The following FBN2 variants were observed in gnomAD, a reference collection of about 807,000 sequenced individuals.
FBN2 encodes the protein fibrillin-2.
A neutral mutation model predicts 355.6 loss-of-function variants in FBN2; 105 were observed. The ratio of observed to expected loss-of-function variants is 0.30; its 90% CI spans 0.25 to 0.35. The LOEUF is 0.35. Among genes scored for constraint, FBN2 ranks in the 10% least tolerant of loss-of-function variants. FBN2 has a pLI of 1.00. For missense variants in FBN2, 3,280 were observed against 3,758.7 expected (o/e 0.87, Z 3.33); for synonymous variants, 1,350 against 1,301.2 (o/e 1.04, Z -0.81).
chr5:128,270,542 AT>A (rs1453087825), intron 62 of FBN2, among the ~76,000 whole-genome samples: 1 of 152,172 alleles, frequency 6.6e-6, no homozygotes, highest in Non-Finnish European at 1.5e-5. Context: ...AAAATAAAAA[AT>A]CCCTGAAGAA....
chr5:128,396,237 G>A (rs548120085), intron 8 of FBN2, among the ~76,000 whole-genome samples: 3 of 152,252 alleles, frequency 2.0e-5, no homozygotes, highest in Non-Finnish European at 4.4e-5. Flanking sequence ...GGGAAGAAAC[G>A]GGATTAGAGA....
At position 128,387,342 on chromosome 5, in the gene FBN2, G is replaced by A. The variant is rs540029176; in HGVS notation, c.1603+4676C>T. 3.3e-5 allele frequency among the ~76,000 whole-genome samples: 5 copies of A among 151,890 alleles called. No individual in the cohort carries two copies. The East Asian group carries it at 9.6e-4, about 29-fold the overall frequency. On this transcript the variant is annotated intron_variant, in intron 11 of 64. Transcript: ENST00000262464. ...ATCATTTCAGTTTGTGTTTATTTCC[G>A]TCTTCTCTCTTTTATTCTTTATTAG...
intron 6 of FBN2, among the ~76,000 whole-genome samples, chr5:128,459,436 T>C (rs1195390386): frequency 3.3e-5 from 5 of 152,112 alleles, no homozygotes; most frequent in Admixed American, 2.0e-4. Context: ...AAGGGACTCC[T>C]CCCTAACTCA....
At chr5:128,338,776 C>T (rs897816002) in intron 26 of FBN2, among the ~76,000 whole-genome samples, 157 bp downstream of exon 26, 1 of 152,134 alleles carries the variant, frequency 6.6e-6, no homozygotes, top group African/African-American at 2.4e-5. Flanking sequence ...TATCCAGGAG[C>T]GCATTTCCTG....
At chr5:128,513,901 G>C (rs1163365706) in intron 5 of FBN2, among the ~76,000 whole-genome samples, 1 of 151,830 alleles carries the variant, frequency 6.6e-6, no homozygotes, top group African/African-American at 2.4e-5. Context: ...AACTGAGCTA[G>C]TGCCAAAAAG....
chr5:128,310,729 A>C (rs1750031124), intron 39 of FBN2, among the ~76,000 whole-genome samples: 3 of 152,144 alleles, frequency 2.0e-5, no homozygotes, highest in African/African-American at 7.2e-5. Flanking sequence ...TTCACAATTA[A>C]AATATTGAGA....
At position 128,530,627 on chromosome 5, in the gene FBN2, C is replaced by T. The variant is rs778566871; in HGVS notation, c.404G>A (p.Gly135Glu). The change falls in exon 3 of 65, where the codon GGG (glycine) becomes GAG (glutamate). Residue 135 changes from glycine (G) to glutamate (E), a missense_variant. Gly to Glu is a moderately conservative substitution (Grantham distance 98). Around this residue, in one of 6 missense-constraint regions of FBN2, gnomAD observed 130 missense variants for 189.9 expected, o/e 0.68. Transcript: ENST00000262464. ...TGATCCACAGGTTGATGATATTTGC[C>T]CACTGGAACAAGTACACATGTTAGG... ...SRPNMCTCSS[G>E]QISSTCGSKS... The T allele has an allele frequency of 2.4e-5, 39 of 1,612,784 alleles. No homozygotes were observed. Among genetic ancestry groups the T allele is most frequent in the Non-Finnish European group, 3.3e-5 (39 of 1,179,102 alleles).
chr5:128,488,996 A>C (rs1455737505), intron 5 of FBN2, among the ~76,000 whole-genome samples: 1 of 152,186 alleles, frequency 6.6e-6, no homozygotes, highest in Middle Eastern at 3.2e-3. Flanking sequence ...CATGATTTAT[A>C]GTCCTTTGGG....
intron 4 of FBN2, among the ~76,000 whole-genome samples, chr5:128,521,452 C>G (rs1182149625): frequency 1.3e-5 from 2 of 152,064 alleles, no homozygotes; most frequent in Non-Finnish European, 2.9e-5. Flanking sequence ...ATAGGTGCAA[C>G]AAACCACCAT....
At position 128,500,244 on chromosome 5, in the gene FBN2, C is replaced by G. The variant is rs561246088; in HGVS notation, c.628+19029G>C. ...CAGCTAATATCAACAACAACAACAACAACAACAACAACAACAAAGGTCAAA... is the reference window on the plus strand; with the variant it reads ...CAGCTAATATCAACAACAACAACAAGAACAACAACAACAACAAAGGTCAAA... On this transcript the variant is annotated intron_variant, in intron 5 of 64. Coordinates refer to ENST00000262464, the MANE Select transcript of FBN2 (RefSeq NM_001999.4). Among the ~76,000 whole-genome samples, 3 of 151,716 alleles carry G rather than the reference C, an allele frequency of 2.0e-5. No homozygotes were observed. In the East Asian group the frequency reaches 5.8e-4, roughly 29 times the overall value.
chr5:128,374,217 T>C (rs1384145766), intron 15 of FBN2, among the ~76,000 whole-genome samples: 2 of 152,124 alleles, frequency 1.3e-5, no homozygotes, highest in African/African-American at 4.8e-5. Context: ...TAATATACAA[T>C]TTACATACCA....
In FBN2 at chr5:128,378,759, A is replaced by C; in HGVS notation, c.1723+12T>G. The C allele has an allele frequency of 6.2e-7, 1 of 1,612,790 alleles. No individual in the cohort carries two copies. The highest frequency in any genetic ancestry group is 1.1e-5 in the South Asian group (1 of 91,070). ...ATGGAACATTTTCATATGTGAAAGC[A>C]AACTGCCTTACCAATGCATGCTTGC... is the stretch of plus-strand genomic sequence containing the variant. On this transcript the variant is annotated intron_variant, in intron 12 of 64. Transcript: ENST00000262464.
At chr5:128,284,368 G>A (rs1304939465) in intron 55 of FBN2, among the ~76,000 whole-genome samples, 2 of 151,918 alleles carry the variant, frequency 1.3e-5, no homozygotes, top group African/African-American at 4.8e-5. Context: ...CCATCCCCAG[G>A]GCCCATACTC....
At chr5:128,497,498 G>A (rs1308139740) in intron 5 of FBN2, among the ~76,000 whole-genome samples, 2 of 152,156 alleles carry the variant, frequency 1.3e-5, no homozygotes, top group African/African-American at 2.4e-5. Flanking sequence ...TGTTGTCATC[G>A]TAACACTCAA....
intron 19 of FBN2, 150 bp downstream of exon 19, chr5:128,361,573 T>C (rs1751638270): frequency 1.0e-6 from 1 of 994,578 alleles, no homozygotes; most frequent in Non-Finnish European, 1.5e-6. Context: ...TCCTTACTAT[T>C]TCAAAAACTG....
intron 33 of FBN2, among the ~76,000 whole-genome samples, chr5:128,329,213 C>T (rs1486990875): frequency 8.6e-5 from 13 of 151,900 alleles, no homozygotes; most frequent in South Asian, 2.1e-4. Flanking sequence ...TTATAGTATT[C>T]GAATAAATAA....
intron 7 of FBN2, among the ~76,000 whole-genome samples, chr5:128,410,954 C>G (rs943137138): frequency 6.6e-6 from 1 of 152,090 alleles, no homozygotes; most frequent in Non-Finnish European, 1.5e-5. Flanking sequence ...AAATAAGGTG[C>G]TTTTTTAAAA....
At chr5:128,285,831 A>G (rs189153911) in intron 55 of FBN2, among the ~76,000 whole-genome samples, 2 of 152,234 alleles carry the variant, frequency 1.3e-5, no homozygotes, top group Non-Finnish European at 2.9e-5. Context: ...TAGTTATAAA[A>G]ATAAGAAATT....
intron 55 of FBN2, among the ~76,000 whole-genome samples, chr5:128,281,456 G>A (rs950928183): frequency 6.6e-6 from 1 of 151,944 alleles, no homozygotes; most frequent in Non-Finnish European, 1.5e-5. Flanking sequence ...GAAAGCTCTC[G>A]GCCATAGTAA....
Sources: gnomAD v4.1 joint callset for allele counts (sites outside exome capture counted in the v4.1 genomes callset) on GRCh38, gnomAD v4.1.1 for gene constraint, gnomAD v4.1.1 regional missense constraint, MANE v1.5 for transcripts, NCBI Gene and HGNC (gene_info 2026-07-23, HGNC 2026-07-21) for gene names.